Variants in RORA observed in about 807,000 individuals in gnomAD.
RORA encodes the protein nuclear receptor ROR-alpha.
RORA carries 7 observed loss-of-function variants against 69.5 expected under a neutral mutation model. The ratio of observed to expected loss-of-function variants is 0.10; its 90% CI spans 0.06 to 0.19. The LOEUF (loss-of-function observed/expected upper bound fraction) is 0.19, where lower values mean the gene tolerates loss of function less well. Among genes scored for constraint, RORA ranks in the 10% least tolerant of loss-of-function variants. The pLI, the probability that RORA is intolerant of heterozygous loss-of-function variation, is 1.00. For synonymous variants in RORA, 261 were observed against 240.8 expected (o/e 1.08, Z -0.78); for missense variants, 457 against 663.0 (o/e 0.69, Z 3.41).
chr15:60,532,176 G>A (rs1194834153), intron 2 of RORA, among the ~76,000 whole-genome samples: 1 of 152,120 alleles, frequency 6.6e-6, no homozygotes, highest in Non-Finnish European at 1.5e-5. Context: ...ATACTGAAAT[G>A]TTTCCTCCAA....
chr15:60,621,431 G>T (rs1300146105), intron 2 of RORA, among the ~76,000 whole-genome samples: 1 of 152,144 alleles, frequency 6.6e-6, no homozygotes, highest in South Asian at 2.1e-4. Context: ...GGCACACACA[G>T]AGAGCTACCT....
chr15:61,105,846 G>C (rs1475643964), intron 1 of RORA, among the ~76,000 whole-genome samples: 1 of 152,208 alleles, frequency 6.6e-6, no homozygotes, highest in African/African-American at 2.4e-5. Flanking sequence ...TAGATACTAG[G>C]TAATTATTAG....
At chr15:60,749,002 T>A (rs1472790968) in intron 1 of RORA, among the ~76,000 whole-genome samples, 2 of 152,200 alleles carry the variant, frequency 1.3e-5, no homozygotes, top group East Asian at 3.8e-4. Flanking sequence ...TTAGTAAATA[T>A]AAGAATCACC....
At chr15:60,650,029 A>G (rs2070115890) in intron 2 of RORA, among the ~76,000 whole-genome samples, 1 of 152,218 alleles carries the variant, frequency 6.6e-6, no homozygotes, top group South Asian at 2.1e-4. Context: ...GGTAAGCACG[A>G]GTCATGGTAA....
At chr15:60,678,968 T>C (rs1402154172) in intron 1 of RORA, among the ~76,000 whole-genome samples, 5 of 152,124 alleles carry the variant, frequency 3.3e-5, no homozygotes, top group African/African-American at 4.8e-5. Context: ...GCGAGGAGAC[T>C]CTTATTTTTT....
At chr15:60,570,167 G>A (rs930432145) in intron 2 of RORA, among the ~76,000 whole-genome samples, 25 of 151,992 alleles carry the variant, frequency 1.6e-4, no homozygotes, top group East Asian at 9.6e-4. Context: ...AACACAGCCC[G>A]GGCACTTCAT....
intron 1 of RORA, among the ~76,000 whole-genome samples, chr15:60,830,740 T>G (rs1183575874): frequency 1.3e-5 from 2 of 152,222 alleles, no homozygotes; most frequent in Non-Finnish European, 2.9e-5. Context: ...TTTGGAATGT[T>G]TATTCTCTTA....
At chr15:61,208,153 G>C (rs112248293) in intron 1 of RORA, among the ~76,000 whole-genome samples, 9 of 152,286 alleles carry the variant, frequency 5.9e-5, no homozygotes, top group Middle Eastern at 3.4e-3. Context: ...GAAGAGAAAG[G>C]AGTCTATCAG....
intron 1 of RORA, among the ~76,000 whole-genome samples, chr15:61,182,722 T>C (rs1044813596): frequency 2.0e-5 from 3 of 152,172 alleles, no homozygotes; most frequent in Non-Finnish European, 4.4e-5. Flanking sequence ...GACACCACCT[T>C]AACTAGGGAA....
Position 60,497,397 on chromosome 15 carries a change from T to C in RORA, c.*58A>G, listed in dbSNP as rs555271047. The C allele has an allele frequency of 7.3e-6, 11 of 1,515,704 alleles. No homozygotes were observed. In the Admixed American group the frequency reaches 1.2e-4, roughly 16 times the overall value. 93.9% of individuals were successfully genotyped at this position (1,515,704 alleles called of 1,614,324 possible). A position where few individuals can be genotyped will look rare whatever the true frequency, so the allele number is the denominator to read the frequency against. ...CATATAAAGTGTCTCGGTTAATTTTTTTGTTTGTTTTTCATGTTTGTACTT... is the reference window on the plus strand; with the variant it reads ...CATATAAAGTGTCTCGGTTAATTTTCTTGTTTGTTTTTCATGTTTGTACTT... On this transcript the variant is annotated 3_prime_UTR_variant, in exon 11 of 11. Coordinates refer to ENST00000335670, the MANE Select transcript of RORA (RefSeq NM_134261.3).
rs529315220 is a variant in RORA, at chr15:60,771,738, A to G, written c.167-93052T>C. Among the ~76,000 whole-genome samples the G allele has an allele frequency of 2.6e-5, 4 of 152,372 alleles. No individual in the cohort carries two copies. In the South Asian group the frequency reaches 8.3e-4, roughly 32 times the overall value. ...CATTTCCCATGGACAAGTGAATAAT[A>G]AGTAATACAAAACACAGTCTTATGT... is the stretch of plus-strand genomic sequence containing the variant. On this transcript the variant is annotated intron_variant, in intron 1 of 10. Transcript: ENST00000335670.
chr15:61,017,981 C>T (rs1850383872), intron 1 of RORA, among the ~76,000 whole-genome samples: 2 of 152,198 alleles, frequency 1.3e-5, no homozygotes, highest in South Asian at 4.1e-4. Context: ...AAAAGCATTG[C>T]AGCATGCCTG....
At chr15:60,542,583 CCT>C (rs1567073331) in intron 2 of RORA, among the ~76,000 whole-genome samples, 2 of 144,720 alleles carry the variant, frequency 1.4e-5, no homozygotes, top group Admixed American at 6.7e-5. Context: ...CGCATGCACA[CCT>C]CACACACACG....
intron 1 of RORA, among the ~76,000 whole-genome samples, chr15:60,802,484 C>T (rs1172620573): frequency 2.6e-5 from 4 of 152,218 alleles, no homozygotes; most frequent in Non-Finnish European, 4.4e-5. Context: ...CTCTCTTCCC[C>T]TGCAGAAGCT....
intron 1 of RORA, among the ~76,000 whole-genome samples, chr15:60,787,279 A>G (rs1164940166): frequency 2.0e-5 from 3 of 152,194 alleles, no homozygotes; most frequent in African/African-American, 7.2e-5. Context: ...CAGATGTGGC[A>G]GGCATGCACG....
chr15:61,085,365 C>T (rs745841306), intron 1 of RORA, among the ~76,000 whole-genome samples: 1 of 152,180 alleles, frequency 6.6e-6, no homozygotes, highest in Non-Finnish European at 1.5e-5. Flanking sequence ...AAGTGACCTG[C>T]CCACTCTTGC....
chr15:60,923,888 T>A (rs908169575), intron 1 of RORA, among the ~76,000 whole-genome samples: 1 of 151,978 alleles, frequency 6.6e-6, no homozygotes, highest in Admixed American at 6.6e-5. Flanking sequence ...GAAGCTGGAG[T>A]GGGCAAGGGC....
intron 1 of RORA, among the ~76,000 whole-genome samples, chr15:61,151,573 G>T (rs755544859): frequency 1.3e-5 from 2 of 152,138 alleles, no homozygotes; most frequent in Non-Finnish European, 2.9e-5. Context: ...ATCATCTCAT[G>T]ATATCAATCT....
intron 1 of RORA, among the ~76,000 whole-genome samples, 175 bp downstream of exon 1, chr15:61,228,878 C>G (rs2140955301): frequency 6.6e-6 from 1 of 151,028 alleles, no homozygotes; most frequent in Admixed American, 6.6e-5. Context: ...CAAAAGTTTG[C>G]AACATTTCTG....
Sources: allele counts gnomAD v4.1 joint callset (sites outside exome capture counted in the v4.1 genomes callset), GRCh38; gene constraint gnomAD v4.1.1; transcripts MANE v1.5; gene names NCBI Gene and HGNC (gene_info 2026-07-23, HGNC 2026-07-21).